The following MIS18A variants were observed in gnomAD, a reference collection of about 807,000 sequenced individuals.
MIS18A encodes MIS18 kinetochore protein A.
Under a neutral mutation model 25.0 loss-of-function variants are expected in MIS18A, and 14 were observed. That is an observed-to-expected ratio of 0.56 (90% CI 0.37 to 0.88). MIS18A has a LOEUF of 0.88. Ranked by LOEUF, MIS18A falls within the 40% of genes least tolerant of loss-of-function variation. MIS18A has a pLI of 0.00. For missense variants in MIS18A, 292 were observed against 290.8 expected, an observed-to-expected ratio of 1.00 and a Z score of -0.03; for synonymous variants, 134 against 118.6, an observed-to-expected ratio of 1.13 and a Z score of -0.84.
At chr21:32,267,258 T>C (rs929135878), downstream of MIS18A, among the ~76,000 whole-genome samples, 2 of 152,218 alleles carry the variant, frequency 1.3e-5, no homozygotes, top group Non-Finnish European at 2.9e-5. Flanking sequence ...ATTTCCTGGA[T>C]TGACGTTCAG....
the MIS18A span, among the ~76,000 whole-genome samples, chr21:32,237,935 G>A: frequency 4.5e-3 from 678 of 152,208 alleles, 9 homozygotes; most frequent in African/African-American, 0.016. Context: ...TGGCTCTATG[G>A]TGTCATTAAG....
downstream of MIS18A, among the ~76,000 whole-genome samples, chr21:32,265,942 T>C (rs113785204): frequency 1.8e-4 from 28 of 152,234 alleles, no homozygotes; most frequent in African/African-American, 6.5e-4. Flanking sequence ...GGAGAGTCTT[T>C]ATATCTAGCT....
chr21:32,186,342 T>C, the MIS18A span, among the ~76,000 whole-genome samples: 1 of 152,208 alleles, frequency 6.6e-6, no homozygotes, highest in Non-Finnish European at 1.5e-5. Flanking sequence ...AGCACAGGCA[T>C]GCTAGCTTTG....
chr21:32,215,672 C>G, the MIS18A span, among the ~76,000 whole-genome samples: 1 of 152,166 alleles, frequency 6.6e-6, no homozygotes, highest in Non-Finnish European at 1.5e-5. Flanking sequence ...CGCTGCCTTT[C>G]TTTCTTGCCC....
chr21:32,242,622 G>C, the MIS18A span, among the ~76,000 whole-genome samples: 2 of 152,134 alleles, frequency 1.3e-5, no homozygotes, highest in African/African-American at 4.8e-5. Flanking sequence ...CTGTATTCTT[G>C]AATGTAGACA....
chr21:32,170,730 T>G, the MIS18A span, among the ~76,000 whole-genome samples: 6,336 of 152,108 alleles, frequency 0.042, 432 homozygotes, highest in African/African-American at 0.14. Flanking sequence ...TAGAATAATG[T>G]CAATAAAATA....
chr21:32,272,794 T>G (rs114162675), intron 2 of MIS18A, among the ~76,000 whole-genome samples: 49 of 152,328 alleles, frequency 3.2e-4, no homozygotes, highest in African/African-American at 1.1e-3. Flanking sequence ...GCACAGTTGG[T>G]ACCTGGTACA....
chr21:32,204,779 C>T, the MIS18A span, among the ~76,000 whole-genome samples: 15 of 151,640 alleles, frequency 9.9e-5, no homozygotes, highest in African/African-American at 2.9e-4. Flanking sequence ...CCCAGCAACT[C>T]GGGAGGTTGA....
At chr21:32,249,698 A>G in the MIS18A span, among the ~76,000 whole-genome samples, 1 of 152,132 alleles carries the variant, frequency 6.6e-6, no homozygotes, top group Non-Finnish European at 1.5e-5. Context: ...GGAAGCTTCC[A>G]CACATAGGGG....
chr21:32,189,559 G>A, the MIS18A span, among the ~76,000 whole-genome samples: 2 of 152,328 alleles, frequency 1.3e-5, no homozygotes, highest in South Asian at 2.1e-4. Flanking sequence ...GATGACAGGC[G>A]TGAGCCACCA....
chr21:32,231,181 A>T, the MIS18A span, among the ~76,000 whole-genome samples: 2 of 151,346 alleles, frequency 1.3e-5, no homozygotes, highest in Middle Eastern at 6.8e-3. Flanking sequence ...GGTTGCAGTG[A>T]GCCAAGATTG....
the MIS18A span, among the ~76,000 whole-genome samples, chr21:32,238,644 C>G: frequency 1.3e-5 from 2 of 152,156 alleles, no homozygotes; most frequent in African/African-American, 2.4e-5. Flanking sequence ...TCAATCAACC[C>G]CCAATACCAT....
At chr21:32,167,082 C>A in the MIS18A span, among the ~76,000 whole-genome samples, 1 of 152,152 alleles carries the variant, frequency 6.6e-6, no homozygotes, top group Non-Finnish European at 1.5e-5. Context: ...AAGAAATTTC[C>A]AAGTTCTCAA....
chr21:32,201,190 T>A, the MIS18A span, among the ~76,000 whole-genome samples: 1 of 151,910 alleles, frequency 6.6e-6, no homozygotes, highest in Non-Finnish European at 1.5e-5. Context: ...AGAGCTCACA[T>A]GAACTCATTG....
the MIS18A span, among the ~76,000 whole-genome samples, chr21:32,218,461 A>T: frequency 1.3e-5 from 2 of 152,174 alleles, no homozygotes; most frequent in Non-Finnish European, 2.9e-5. Context: ...AGCAATAATT[A>T]TAAGCCTGTG....
At chr21:32,231,570 G>A in the MIS18A span, among the ~76,000 whole-genome samples, 14,469 of 152,146 alleles carry the variant, frequency 0.095, 757 homozygotes, top group East Asian at 0.15. Context: ...AAATTTGAAC[G>A]CTCATATGCT....
the MIS18A span, chr21:32,261,535 G>C: frequency 1.3e-5 from 2 of 152,230 alleles, no homozygotes; most frequent in Non-Finnish European, 2.9e-5. Context: ...ACAGATGCTC[G>C]ATGCAGCAAC....
chr21:32,262,748 GTTCAT>G, the MIS18A span, among the ~76,000 whole-genome samples: 2 of 152,182 alleles, frequency 1.3e-5, no homozygotes, highest in African/African-American at 4.8e-5. Flanking sequence ...GAGTTATAGA[GTTCAT>G]TTAATTTTGT....
the MIS18A span, among the ~76,000 whole-genome samples, chr21:32,178,649 A>C: frequency 6.6e-6 from 1 of 152,084 alleles, no homozygotes; most frequent in Non-Finnish European, 1.5e-5. Flanking sequence ...TTCTCTTTTA[A>C]AATCTTCTTT....
Sources: allele counts gnomAD v4.1 joint callset (sites outside exome capture counted in the v4.1 genomes callset), GRCh38; gene constraint gnomAD v4.1.1; transcripts MANE v1.5; gene names NCBI Gene and HGNC (gene_info 2026-07-23, HGNC 2026-07-21).